The following STK32A variants were observed in gnomAD, a reference collection of about 807,000 sequenced individuals.
STK32A encodes serine/threonine kinase 32A.
STK32A carries 41 observed loss-of-function variants against 53.2 expected under a neutral mutation model. The ratio of observed to expected loss-of-function variants is 0.77; its 90% CI spans 0.60 to 1.00. The LOEUF (loss-of-function observed/expected upper bound fraction) is 1.00. Among genes scored for constraint, STK32A ranks in the 50% least tolerant of loss-of-function variants. The probability of loss-of-function intolerance (pLI) is 0.00; values close to 1 mark genes in which losing one functional copy is unlikely to be tolerated. For missense variants in STK32A, 458 were observed against 485.8 expected, an observed-to-expected ratio of 0.94 and a Z score of 0.54; for synonymous variants, 166 against 162.8, an observed-to-expected ratio of 1.02 and a Z score of -0.15.
chr5:147,384,607 C>A lies in STK32A; in HGVS notation c.*624C>A. The stretch of plus-strand genomic sequence containing the variant: ...TGGCAGGAGCCTGCTGTGCACACCA[C>A]TTCCCAGCTCCCTCTTCAACAATGT... On this transcript the variant is annotated 3_prime_UTR_variant, in exon 13 of 13. Coordinates refer to ENST00000397936, the MANE Select transcript of STK32A (RefSeq NM_001112724.2). The A allele has an allele frequency of 2.1e-6, 1 of 484,766 alleles. No homozygotes were observed. Among genetic ancestry groups the A allele is most frequent in the Non-Finnish European group, 3.6e-6 (1 of 277,914 alleles). The allele number at this position is 484,766 out of a possible 1,614,324, so 30.0% of individuals were successfully genotyped here. A position where few individuals can be genotyped will look rare whatever the true frequency, so the allele number is the denominator to read the frequency against.
chr5:147,324,058 C>A lies in STK32A; in HGVS notation c.421C>A (p.Arg141Ser). 6.2e-7 allele frequency: 1 copy of A among 1,604,498 alleles called. No individual in the cohort carries two copies. The highest frequency in any genetic ancestry group is 8.5e-7 in the Non-Finnish European group (1 of 1,175,550). The change falls in exon 5 of 13, where the codon CGC (arginine) becomes AGC (serine). Residue 141 changes from arginine to serine, a missense_variant. Physicochemically the swap from Arg to Ser is moderately radical, Grantham distance 110. Coordinates refer to ENST00000397936, the MANE Select transcript of STK32A (RefSeq NM_001112724.2). The stretch of plus-strand genomic sequence containing the variant: ...GGCCCTGGACTACCTGCAGAACCAG[C>A]GCATCATTCACAGGTCAGTCAAGTC... ...VMALDYLQNQRIIHRDMKPDN... is the reference protein window; with the variant it reads ...VMALDYLQNQSIIHRDMKPDN...
At chr5:147,293,781 C>T (rs893107536) in intron 4 of STK32A, among the ~76,000 whole-genome samples, 28 of 151,740 alleles carry the variant, frequency 1.8e-4, no homozygotes, top group Admixed American at 1.1e-3. Context: ...CCTCTCAAGG[C>T]TAGGTATCTT....
At chr5:147,302,667 T>A (rs1753197098) in intron 4 of STK32A, among the ~76,000 whole-genome samples, 1 of 152,120 alleles carries the variant, frequency 6.6e-6, no homozygotes, top group African/African-American at 2.4e-5. Flanking sequence ...GGAGGTCTGG[T>A]CTCTTCTAGT....
At chr5:147,287,168 T>G (rs908955911) in intron 4 of STK32A, among the ~76,000 whole-genome samples, 1 of 152,190 alleles carries the variant, frequency 6.6e-6, no homozygotes. Context: ...CTCCAAGCTA[T>G]TTCCATAATC....
At chr5:147,330,417 A>G (rs893544270) in intron 5 of STK32A, among the ~76,000 whole-genome samples, 1 of 152,232 alleles carries the variant, frequency 6.6e-6, no homozygotes, top group Admixed American at 6.5e-5. Context: ...CACATCTGCC[A>G]TGTAATGTCG....
chr5:147,293,479 TAAAAAAAAA>T (rs57835374), intron 4 of STK32A, among the ~76,000 whole-genome samples: 4 of 106,840 alleles, frequency 3.7e-5, no homozygotes, highest in Non-Finnish European at 5.4e-5. Context: ...TATTTCGAGG[TAAAAAAAAA>T]AAAAAAAAAA....
chr5:147,305,091 T>C (rs1753337584), intron 4 of STK32A, among the ~76,000 whole-genome samples: 1 of 149,252 alleles, frequency 6.7e-6, no homozygotes, highest in African/African-American at 2.5e-5. Flanking sequence ...TCTAAAAAAC[T>C]AAAAAAAAAA....
At chr5:147,302,661 GTCTGGTC>G (rs1753196740) in intron 4 of STK32A, among the ~76,000 whole-genome samples, 1 of 152,142 alleles carries the variant, frequency 6.6e-6, no homozygotes, top group African/African-American at 2.4e-5. Context: ...GAAAGGGGAG[GTCTGGTC>G]TCTTCTAGTC....
chr5:147,284,983 C>G (rs905266461), intron 4 of STK32A, among the ~76,000 whole-genome samples: 1 of 152,010 alleles, frequency 6.6e-6, no homozygotes. Context: ...AAAAAAGAAC[C>G]TGCATAGCCA....
intron 4 of STK32A, among the ~76,000 whole-genome samples, chr5:147,319,505 TTGTTA>T: frequency 6.6e-6 from 1 of 152,236 alleles, no homozygotes; most frequent in South Asian, 2.1e-4. Flanking sequence ...GTTTGCTGTG[TTGTTA>T]TGGTGAATGA....
chr5:147,252,488 G>A (rs145828640), intron 2 of STK32A, among the ~76,000 whole-genome samples: 36 of 152,240 alleles, frequency 2.4e-4, no homozygotes, highest in Non-Finnish European at 3.5e-4. Flanking sequence ...ATATAGTCCT[G>A]AAATATCCTA....
At chr5:147,236,364 C>T (rs1466055794) in intron 1 of STK32A, among the ~76,000 whole-genome samples, 3 of 152,080 alleles carry the variant, frequency 2.0e-5, no homozygotes, top group Non-Finnish European at 2.9e-5. Context: ...GTCCTCTTCA[C>T]ATCTCAAAAT....
chr5:147,387,898 G>T (rs1757715161), downstream of STK32A: 1 of 152,328 alleles, frequency 6.6e-6, no homozygotes, highest in African/African-American at 2.4e-5. Context: ...GTATGTGTGT[G>T]TGTGTAATTG....
At chr5:147,235,542 G>C (rs1438023031) in intron 1 of STK32A, among the ~76,000 whole-genome samples, 1 of 152,144 alleles carries the variant, frequency 6.6e-6, no homozygotes, top group African/African-American at 2.4e-5. Context: ...TTTCCCCCAG[G>C]ACTTAAAAAA....
At chr5:147,351,441 T>C (rs1166584910) in intron 7 of STK32A, among the ~76,000 whole-genome samples, 1 of 152,184 alleles carries the variant, frequency 6.6e-6, no homozygotes, top group Non-Finnish European at 1.5e-5. Flanking sequence ...CTACTAACTG[T>C]CTCTGTGTGC....
chr5:147,253,200 A>G (rs971049514), intron 2 of STK32A, among the ~76,000 whole-genome samples: 2 of 152,116 alleles, frequency 1.3e-5, no homozygotes, highest in African/African-American at 2.4e-5. Context: ...TAATCCTTTG[A>G]TCCTGAAAAA....
intron 8 of STK32A, among the ~76,000 whole-genome samples, chr5:147,362,479 C>G (rs527684192): frequency 2.0e-5 from 3 of 152,252 alleles, no homozygotes; most frequent in South Asian, 4.1e-4. Flanking sequence ...CTAACCTAAC[C>G]CTTATTCCCT....
At chr5:147,374,740 T>C (rs772381888) in intron 10 of STK32A, among the ~76,000 whole-genome samples, 9 of 152,168 alleles carry the variant, frequency 5.9e-5, no homozygotes, top group Non-Finnish European at 8.8e-5. Context: ...TTGGGAAGTC[T>C]GGTTGGAGAA....
chr5:147,298,350 C>T (rs563957465), intron 4 of STK32A, among the ~76,000 whole-genome samples: 3 of 152,328 alleles, frequency 2.0e-5, no homozygotes, highest in South Asian at 4.1e-4. Context: ...CTTGTAGGTA[C>T]TATTGGAAGT....
Sources: gnomAD v4.1 joint callset for allele counts (sites outside exome capture counted in the v4.1 genomes callset) on GRCh38, gnomAD v4.1.1 for gene constraint, MANE v1.5 for transcripts, NCBI Gene and HGNC (gene_info 2026-07-23, HGNC 2026-07-21) for gene names.